Variants in DPP6 observed in about 807,000 individuals in gnomAD.
DPP6 encodes the protein A-type potassium channel modulatory protein DPP6.
DPP6 carries 69 observed loss-of-function variants against 122.6 expected under a neutral mutation model. The ratio of observed to expected loss-of-function variants is 0.56; its 90% CI spans 0.46 to 0.69. The LOEUF (loss-of-function observed/expected upper bound fraction) is 0.69. Among genes scored for constraint, DPP6 ranks in the 30% least tolerant of loss-of-function variants. The probability of loss-of-function intolerance (pLI) is 0.00; values close to 1 mark genes in which losing one functional copy is unlikely to be tolerated. For synonymous variants in DPP6, 418 were observed against 433.1 expected, an observed-to-expected ratio of 0.97 and a Z score of 0.43; for missense variants, 928 against 1,116.9, an observed-to-expected ratio of 0.83 and a Z score of 2.41.
Position 153,930,744 on chromosome 7 carries a change from T to A in DPP6, c.51+43010T>A, listed in dbSNP as rs184956556. ...GCTCAAAAATCATGGAATAGACAGT[T>A]CAGGGAGGCAGAGTTTGGCTTTTGG... On this transcript the variant is annotated intron_variant, in intron 1 of 25. Transcript: ENST00000404039. 1.6e-4 allele frequency among the ~76,000 whole-genome samples: 25 copies of A among 152,320 alleles called. No individual in the cohort carries two copies. In the East Asian group the frequency reaches 4.6e-3, roughly 28 times the overall value.
intron 21 of DPP6, among the ~76,000 whole-genome samples, chr7:154,883,402 AT>A (rs2150679611): frequency 2.6e-5 from 1 of 38,612 alleles, no homozygotes; most frequent in Non-Finnish European, 6.4e-5. Flanking sequence ...ACACACACAC[AT>A]GCTCACCCAT....
chr7:153,757,749 C>G, the DPP6 span, among the ~76,000 whole-genome samples: 24 of 152,266 alleles, frequency 1.6e-4, no homozygotes, highest in African/African-American at 5.3e-4. Flanking sequence ...TTTGAGTCCA[C>G]GAGTTCAAGA....
intron 1 of DPP6, among the ~76,000 whole-genome samples, chr7:153,991,561 G>C (rs181211685): frequency 3.3e-5 from 5 of 152,232 alleles, no homozygotes; most frequent in Non-Finnish European, 7.4e-5. Flanking sequence ...CTTTCCCCTG[G>C]TTACACTCAT....
rs372508398 is a variant in DPP6 at position 154,481,966 on chromosome 7, G to A, written c.457+6929G>A. On this transcript the variant is annotated intron_variant, in intron 3 of 25. Transcript: ENST00000377770. This position sits in a 1 kb window ranked among gnomAD's most constrained non-coding sequence, Gnocchi z 4.2. ...CCAGCAAAGTCCCCAGTTTGTGGCC[G>A]TCCACGAAGACTTCTTGGGCATTTT... Among the ~76,000 whole-genome samples the A allele has an allele frequency of 4.1e-4, 63 of 152,294 alleles. No homozygotes were observed. In the East Asian group the frequency reaches 8.7e-3, roughly 21 times the overall value.
chr7:154,397,824 A>C (rs1815221642), intron 1 of DPP6, among the ~76,000 whole-genome samples: 1 of 152,196 alleles, frequency 6.6e-6, no homozygotes, highest in Admixed American at 6.5e-5. Flanking sequence ...GCTGTGCTGT[A>C]CTGGGAGGAA....
chr7:154,432,260 T>G (rs775553110), intron 1 of DPP6, among the ~76,000 whole-genome samples: 12 of 152,366 alleles, frequency 7.9e-5, no homozygotes, highest in East Asian at 3.9e-4. Context: ...TATTTGAAGA[T>G]TCTCTTGAAA....
At chr7:154,198,873 C>G (rs79326633) in intron 1 of DPP6, among the ~76,000 whole-genome samples, 3,650 of 152,192 alleles carry the variant, frequency 0.024, 146 homozygotes, top group African/African-American at 0.083. Flanking sequence ...TTGGTAAAAC[C>G]CGGCTGTGTT....
chr7:153,888,513 C>A (rs1036292154), intron 1 of DPP6, among the ~76,000 whole-genome samples: 1 of 152,206 alleles, frequency 6.6e-6, no homozygotes, highest in Non-Finnish European at 1.5e-5. Flanking sequence ...GGCGCGCCTG[C>A]TCTCGGGCTC....
At chr7:154,542,631 G>A (rs982271622) in intron 4 of DPP6, among the ~76,000 whole-genome samples, 1 of 152,098 alleles carries the variant, frequency 6.6e-6, no homozygotes, top group African/African-American at 2.4e-5. Flanking sequence ...TCAGAAATTC[G>A]CTGGCTTATT....
chr7:154,214,659 G>GT (rs1260202257), intron 1 of DPP6, among the ~76,000 whole-genome samples: 1 of 152,204 alleles, frequency 6.6e-6, no homozygotes, highest in East Asian at 1.9e-4. Context: ...GCTCACACCT[G>GT]TAATTCCAAC....
At chr7:153,863,585 A>G in the DPP6 span, among the ~76,000 whole-genome samples, 20 of 152,220 alleles carry the variant, frequency 1.3e-4, no homozygotes, top group Non-Finnish European at 2.5e-4. Context: ...AGAAATTTAA[A>G]TGAAAAAATA....
intron 4 of DPP6, among the ~76,000 whole-genome samples, chr7:154,544,761 T>C (rs969633736): frequency 6.6e-6 from 1 of 152,218 alleles, no homozygotes; most frequent in Non-Finnish European, 1.5e-5. Flanking sequence ...ACAGCTGGAA[T>C]GTGGGTATAT....
Position 154,878,427 on chromosome 7 carries a change from G to A in DPP6, c.2078+2327G>A, listed in dbSNP as rs767856900. Among the ~76,000 whole-genome samples, 71 of 152,246 alleles carry A rather than the reference G, an allele frequency of 4.7e-4. 1 individual carries two copies. The highest frequency in any genetic ancestry group is 3.3e-4 in the Admixed American group (5 of 15,292). On this transcript the variant is annotated intron_variant, in intron 20 of 25. Coordinates refer to ENST00000377770, the MANE Select transcript of DPP6 (RefSeq NM_130797.4). ...GTGGACAACGGCAAAGCTTAGAGCC[G>A]TTGCCAAAGCACAGACTTTCTTAGG...
At chr7:154,444,201 T>A (rs112166858) in intron 1 of DPP6, among the ~76,000 whole-genome samples, 29,022 of 151,986 alleles carry the variant, frequency 0.19, 3,906 homozygotes, top group African/African-American at 0.39. Flanking sequence ...CTCACGCCTG[T>A]AATCCCAGCA....
chr7:153,919,957 G>A (rs906153346), intron 1 of DPP6, among the ~76,000 whole-genome samples: 1 of 152,218 alleles, frequency 6.6e-6, no homozygotes, highest in Admixed American at 6.5e-5. Context: ...TGCCCAGGAA[G>A]TAACGTCACT....
Position 154,877,008 on chromosome 7 carries a change from G to C in DPP6, c.2078+908G>C, listed in dbSNP as rs2150658790. On this transcript the variant is annotated intron_variant, in intron 20 of 25. Transcript: ENST00000377770. This position sits in a 1 kb window ranked among gnomAD's most constrained non-coding sequence, Gnocchi z 5.2. ...CGTGAGGCTGGGCCCGGGCACACAA[G>C]GAGGGTGGAGCACAGAGCCCAGCTC... The C allele has an allele frequency of 6.6e-6, 1 of 152,388 alleles. No homozygotes were observed. The highest frequency in any genetic ancestry group is 2.4e-5 in the African/African-American group (1 of 41,584). 9.4% of individuals were successfully genotyped at this position (152,388 alleles called of 1,614,324 possible). A position where few individuals can be genotyped will look rare whatever the true frequency, so the allele number is the denominator to read the frequency against.
intron 1 of DPP6, among the ~76,000 whole-genome samples, chr7:154,230,243 T>A (rs896862309): frequency 5.3e-5 from 8 of 152,170 alleles, no homozygotes; most frequent in African/African-American, 1.7e-4. Context: ...ACAAGAGGAA[T>A]AAGCTATGGC....
chr7:153,819,924 CTGT>C, the DPP6 span, among the ~76,000 whole-genome samples: 15 of 151,806 alleles, frequency 9.9e-5, no homozygotes, highest in South Asian at 3.1e-3. Context: ...TTTTATTCTC[CTGT>C]TGTTGGTATA....
chr7:154,311,784 C>T (rs1237235360), intron 1 of DPP6, among the ~76,000 whole-genome samples: 1 of 152,156 alleles, frequency 6.6e-6, no homozygotes, highest in African/African-American at 2.4e-5. Context: ...CCACTGGTAC[C>T]CATGGTTTAG....
Sources: gnomAD v4.1 joint callset for allele counts (sites outside exome capture counted in the v4.1 genomes callset) on GRCh38, gnomAD v4.1.1 for gene constraint, Gnocchi (gnomAD v3.1) non-coding constraint, MANE v1.5 for transcripts, NCBI Gene and HGNC (gene_info 2026-07-23, HGNC 2026-07-21) for gene names.